The following ZBTB25 variants were observed in gnomAD, a reference collection of about 807,000 sequenced individuals.
The protein encoded by ZBTB25 is zinc finger and BTB domain-containing protein 25.
Under a neutral mutation model 34.2 loss-of-function variants are expected in ZBTB25, and 20 were observed. That is an observed-to-expected ratio of 0.58 (90% CI 0.41 to 0.85). The LOEUF is 0.85. Ranked by LOEUF, ZBTB25 falls within the 40% of genes least tolerant of loss-of-function variation. ZBTB25 has a pLI of 0.00. For synonymous variants in ZBTB25, 175 were observed against 186.4 expected, an observed-to-expected ratio of 0.94 and a Z score of 0.50; for missense variants, 437 against 521.8, an observed-to-expected ratio of 0.84 and a Z score of 1.58.
rs377664456 is a variant in ZBTB25 at position 64,503,399 on chromosome 14, G to C, written c.-8+262C>G. On this transcript the variant is annotated intron_variant, in intron 1 of 2. Coordinates refer to ENST00000608382, the MANE Select transcript of ZBTB25 (RefSeq NM_006977.5). ...GCTCTGCACCTTCGCGGCACCCCGT[G>C]TGCCACCCTGAATCAGGCCCCGGCA... 3 of 985,332 alleles carry C rather than the reference G, an allele frequency of 3.0e-6. No homozygotes were observed. In the African/African-American group the frequency reaches 5.2e-5, roughly 17 times the overall value. 61.0% of individuals were successfully genotyped at this position (985,332 alleles called of 1,614,324 possible).
In ZBTB25 at chr14:64,478,886, T is replaced by C. The variant is rs1259474675; in HGVS notation, c.*8037A>G. 1 of 152,144 alleles carries C rather than the reference T, an allele frequency of 6.6e-6. No homozygotes were observed. The highest frequency in any genetic ancestry group is 2.4e-5 in the African/African-American group (1 of 41,440). 9.4% of individuals were successfully genotyped at this position (152,144 alleles called of 1,614,324 possible). On this transcript the variant is annotated 3_prime_UTR_variant, in exon 3 of 3. Coordinates refer to ENST00000608382, the MANE Select transcript of ZBTB25 (RefSeq NM_006977.5). ...TGCCACCTTTTGGCCAGATTAAAAATTCACAGAAATTATAACCTACAATCT... is the reference window on the plus strand; with the variant it reads ...TGCCACCTTTTGGCCAGATTAAAAACTCACAGAAATTATAACCTACAATCT...
At chr14:64,496,812 T>C (rs566354374) in intron 1 of ZBTB25, among the ~76,000 whole-genome samples, 1 of 152,306 alleles carries the variant, frequency 6.6e-6, no homozygotes, top group South Asian at 2.1e-4. Context: ...GGGAGATCCT[T>C]ATTGACCCAT....
At position 64,494,079 on chromosome 14, in the gene ZBTB25, A is replaced by G. The variant is rs192800681; in HGVS notation, c.-7-3539T>C. ...TAAAAAGTAGAATGAAATAAGAGGG[A>G]AAAAAGCTAAGAATGAATCTTTGGA... On this transcript the variant is annotated intron_variant, in intron 1 of 2. Coordinates refer to ENST00000608382, the MANE Select transcript of ZBTB25 (RefSeq NM_006977.5). Among the ~76,000 whole-genome samples the G allele has an allele frequency of 1.6e-3, 237 of 152,302 alleles. 2 individuals carry two copies. Among genetic ancestry groups the G allele is most frequent in the African/African-American group, 5.4e-3 (226 of 41,566 alleles).
At chr14:64,464,916 G>C (rs1029922070) in intron 2 of ZBTB25, among the ~76,000 whole-genome samples, 4 of 152,214 alleles carry the variant, frequency 2.6e-5, no homozygotes, top group Admixed American at 2.6e-4. Context: ...TTCCCACTGG[G>C]AGACAAAGGT....
intron 2 of ZBTB25, chr14:64,470,798 A>C (rs1017314350): frequency 1.2e-5 from 2 of 167,016 alleles, no homozygotes; most frequent in Admixed American, 6.5e-5. Context: ...GGGGAATATT[A>C]TTCTTCATCC....
rs1365573174 is a variant in ZBTB25 at position 64,449,660 on chromosome 14, G to T, written c.174-22C>A. ...CTGTCTGCAAAAAAAGAAAAAAGAC[G>T]AAAAGGGCACAGTGAAGTTTCTGTG... On this transcript the variant is annotated intron_variant, in intron 2 of 2. Coordinates refer to the ZBTB25 transcript ENST00000555220. The T allele has an allele frequency of 1.9e-6, 3 of 1,607,704 alleles. No homozygotes were observed. The East Asian group carries it at 6.7e-5, about 36-fold the overall frequency.
rs550311443 is a variant in ZBTB25 at position 64,503,648 on chromosome 14, C to G, written c.-8+13G>C. 135 of 982,048 alleles carry G rather than the reference C, an allele frequency of 1.4e-4. No homozygotes were observed. In the African/African-American group the frequency reaches 2.3e-3, roughly 16 times the overall value. The allele number at this position is 982,048 out of a possible 1,614,324, so 60.8% of individuals were successfully genotyped here. Reference sequence around the variant, plus strand: ...CCCGGGGCAGCCCACAGGGGCAGGACCGCGTCGCTTACCCAGATGCCGCCG... The same window carrying G: ...CCCGGGGCAGCCCACAGGGGCAGGAGCGCGTCGCTTACCCAGATGCCGCCG... On this transcript the variant is annotated intron_variant, in intron 1 of 2. Coordinates refer to ENST00000608382, the MANE Select transcript of ZBTB25 (RefSeq NM_006977.5).
chr14:64,496,293 G>C (rs1234669511), intron 1 of ZBTB25, among the ~76,000 whole-genome samples: 3 of 151,836 alleles, frequency 2.0e-5, no homozygotes, highest in African/African-American at 7.3e-5. Flanking sequence ...GACCAGCCTG[G>C]CCAACATGGT....
chr14:64,449,869 A>G (rs1268358516), intron 2 of ZBTB25, among the ~76,000 whole-genome samples: 1 of 152,082 alleles, frequency 6.6e-6, no homozygotes, highest in Non-Finnish European at 1.5e-5. Flanking sequence ...GCTCACTGCA[A>G]CCTCTGCCTC....
rs977122996 is a variant in ZBTB25, at chr14:64,484,878, G to A, written c.*2045C>T. 7.7e-6 allele frequency: 3 copies of A among 388,062 alleles called. No individual in the cohort carries two copies. Among genetic ancestry groups the A allele is most frequent in the African/African-American group, 6.5e-5 (3 of 45,816 alleles). 24.0% of individuals were successfully genotyped at this position (388,062 alleles called of 1,614,324 possible). A position where few individuals can be genotyped will look rare whatever the true frequency, so the allele number is the denominator to read the frequency against. On this transcript the variant is annotated 3_prime_UTR_variant, in exon 3 of 3. Coordinates refer to ENST00000608382, the MANE Select transcript of ZBTB25 (RefSeq NM_006977.5). ...CAATGAGATGATATTTTTGAGGGCA[G>A]TACAAATTTCAATAGTTGCTTAAGT...
In ZBTB25 at chr14:64,485,017, C is replaced by G; in HGVS notation, c.*1906G>C. On this transcript the variant is annotated 3_prime_UTR_variant, in exon 3 of 3. Transcript: ENST00000608382. ...TATCAAGTTAGATGTGCTCTCAACA[C>G]ACATCAGTCTTAACCATAGGAGCCT... 1.0e-6 allele frequency: 1 copy of G among 985,436 alleles called. No homozygotes were observed. The highest frequency in any genetic ancestry group is 1.2e-6 in the Non-Finnish European group (1 of 829,926). The allele number at this position is 985,436 out of a possible 1,614,324, so 61.0% of individuals were successfully genotyped here.
chr14:64,454,743 C>G lies in ZBTB25; in HGVS notation c.174-5105G>C, dbSNP rs758744440. Reference sequence around the variant, plus strand: ...CCCAGGGCTTTGGGAATCTCCCCATCTGCATGGCTAAAACACACTTGTCTT... The same window carrying G: ...CCCAGGGCTTTGGGAATCTCCCCATGTGCATGGCTAAAACACACTTGTCTT... On this transcript the variant is annotated intron_variant, in intron 2 of 2. Transcript: ENST00000555220. 1.9e-6 allele frequency: 3 copies of G among 1,613,944 alleles called. No homozygotes were observed. The Admixed American group carries it at 5.0e-5, about 27-fold the overall frequency.
chr14:64,487,381 G>A lies in ZBTB25; in HGVS notation c.850C>T (p.Pro284Ser). The A allele has an allele frequency of 6.2e-7, 1 of 1,614,158 alleles. No homozygotes were observed. Among genetic ancestry groups the A allele is most frequent in the Non-Finnish European group, 8.5e-7 (1 of 1,180,030 alleles). Reference protein sequence around the residue: ...LESNDLGEVHPLNENSEALEC... With the variant: ...LESNDLGEVHSLNENSEALEC... ...AGGGCCTCGCTGTTTTCATTAAGGG[G>A]ATGCACTTCACCAAGGTCATTACTT... Residue 284 changes from proline (P) to serine (S), a missense_variant, in exon 3 of 3, where the codon CCC (proline) becomes TCC (serine). Coordinates refer to ENST00000608382, the MANE Select transcript of ZBTB25 (RefSeq NM_006977.5).
chr14:64,449,898 C>T (rs991410052), intron 2 of ZBTB25, among the ~76,000 whole-genome samples: 21 of 152,256 alleles, frequency 1.4e-4, no homozygotes, highest in Non-Finnish European at 2.6e-4. Context: ...AAGTGATTCT[C>T]CTGCCTCAGC....
intron 1 of ZBTB25, chr14:64,503,269 C>T: frequency 2.0e-6 from 2 of 985,474 alleles, no homozygotes; most frequent in Non-Finnish European, 2.4e-6. Flanking sequence ...CTCCCAGCAT[C>T]TGGAAAGTCG....
In ZBTB25 at chr14:64,480,606, A is replaced by G. The variant is rs1361502977; in HGVS notation, c.*6317T>C. The G allele has an allele frequency of 6.2e-6, 1 of 162,348 alleles. No homozygotes were observed. Among genetic ancestry groups the G allele is most frequent in the Non-Finnish European group, 1.4e-5 (1 of 73,888 alleles). 10.1% of individuals were successfully genotyped at this position (162,348 alleles called of 1,614,324 possible). On this transcript the variant is annotated 3_prime_UTR_variant, in exon 3 of 3. Transcript: ENST00000608382. ...AAGAACACATTCTATAAGCTAAGCT[A>G]ATAAACTTGTTTTTGATTAAGTCAC...
At chr14:64,454,546 C>CTTTT (rs59626407) in intron 2 of ZBTB25, among the ~76,000 whole-genome samples, 2 of 133,470 alleles carry the variant, frequency 1.5e-5, no homozygotes, top group Admixed American at 1.5e-4. Context: ...CCCAACAGTT[C>CTTTT]TTTTTTTTTT....
chr14:64,488,421 C>T (rs957711718), intron 2 of ZBTB25, among the ~76,000 whole-genome samples: 16 of 151,780 alleles, frequency 1.1e-4, no homozygotes, highest in Non-Finnish European at 2.1e-4. Flanking sequence ...ATCAAGTAAA[C>T]GATCAAAAGA....
chr14:64,476,027 G>T (rs1185512879), downstream of ZBTB25, among the ~76,000 whole-genome samples: 2 of 152,138 alleles, frequency 1.3e-5, no homozygotes, highest in Non-Finnish European at 2.9e-5. Context: ...TGCACTCCTG[G>T]GAGATAGGAA....
Sources: allele counts gnomAD v4.1 joint callset (sites outside exome capture counted in the v4.1 genomes callset), GRCh38; gene constraint gnomAD v4.1.1; transcripts MANE v1.5; gene names NCBI Gene and HGNC (gene_info 2026-07-23, HGNC 2026-07-21).